The following PCCA variants were observed in gnomAD, a reference collection of about 807,000 sequenced individuals.
PCCA encodes the protein propionyl-CoA carboxylase alpha chain, mitochondrial.
A neutral mutation model predicts 101.3 loss-of-function variants in PCCA; 74 were observed. The ratio of observed to expected loss-of-function variants is 0.73; its 90% CI spans 0.61 to 0.89. The LOEUF is 0.89. Among genes scored for constraint, PCCA ranks in the 40% least tolerant of loss-of-function variants. The pLI, the probability that PCCA is intolerant of heterozygous loss-of-function variation, is 0.00. For synonymous variants in PCCA, 294 were observed against 313.6 expected, an observed-to-expected ratio of 0.94 and a Z score of 0.66; for missense variants, 891 against 907.0, an observed-to-expected ratio of 0.98 and a Z score of 0.23.
intron 21 of PCCA, among the ~76,000 whole-genome samples, chr13:100,514,064 C>T (rs948505927): frequency 6.6e-6 from 1 of 152,220 alleles, no homozygotes; most frequent in African/African-American, 2.4e-5. Context: ...ACTCTCCTCG[C>T]TTTTTCCCTC....
chr13:100,440,904 A>C (rs181059031), intron 20 of PCCA, among the ~76,000 whole-genome samples: 45 of 152,302 alleles, frequency 3.0e-4, no homozygotes, highest in African/African-American at 1.0e-3. Flanking sequence ...CATCTTAGAA[A>C]CAAGCTCACC....
intron 6 of PCCA, among the ~76,000 whole-genome samples, chr13:100,199,524 C>T (rs1465758650): frequency 6.6e-6 from 1 of 152,118 alleles, no homozygotes; most frequent in Non-Finnish European, 1.5e-5. Flanking sequence ...TCAGTGGTTT[C>T]CCCCATTCTT....
rs188664809 is a variant in PCCA, at chr13:100,302,174, A to G, written c.1209+571A>G. ...GGTTTTACTCATAAACTCTCAGTTC[A>G]GTACTTCTAAATGCTTTTTTTCAAA... On this transcript the variant is annotated intron_variant, in intron 13 of 23. Coordinates refer to ENST00000376285, the MANE Select transcript of PCCA (RefSeq NM_000282.4). Among the ~76,000 whole-genome samples the G allele has an allele frequency of 5.2e-4, 79 of 152,256 alleles. 1 individual carries two copies. The highest frequency in any genetic ancestry group is 1.7e-3 in the African/African-American group (72 of 41,554).
chr13:100,517,345 A>G (rs1458322209), intron 22 of PCCA, among the ~76,000 whole-genome samples: 1 of 152,194 alleles, frequency 6.6e-6, no homozygotes, highest in Non-Finnish European at 1.5e-5. Flanking sequence ...ACTTTCCCAC[A>G]TACCGAAAGG....
At chr13:100,496,359 G>A (rs781745266) in intron 21 of PCCA, among the ~76,000 whole-genome samples, 11 of 152,170 alleles carry the variant, frequency 7.2e-5, no homozygotes, top group Non-Finnish European at 1.5e-4. Context: ...ATCTCGAATC[G>A]TTCCTCCGTT....
At chr13:100,186,968 C>G (rs2057333113) in intron 6 of PCCA, among the ~76,000 whole-genome samples, 1 of 152,036 alleles carries the variant, frequency 6.6e-6, no homozygotes, top group Non-Finnish European at 1.5e-5. Context: ...GAATTAATTG[C>G]AATGATGAAA....
intron 2 of PCCA, among the ~76,000 whole-genome samples, chr13:100,110,018 C>T (rs2048163731): frequency 6.6e-6 from 1 of 152,052 alleles, no homozygotes; most frequent in African/African-American, 2.4e-5. Flanking sequence ...CCTGTAATCC[C>T]AGCTATTAGG....
intron 21 of PCCA, among the ~76,000 whole-genome samples, chr13:100,463,936 G>A (rs1034799870): frequency 6.6e-6 from 1 of 152,116 alleles, no homozygotes; most frequent in African/African-American, 2.4e-5. Context: ...AAGTATCTCA[G>A]GATCTGTTGC....
At chr13:100,212,932 C>T (rs2059308292) in intron 7 of PCCA, among the ~76,000 whole-genome samples, 1 of 151,898 alleles carries the variant, frequency 6.6e-6, no homozygotes, top group African/African-American at 2.4e-5. Flanking sequence ...CTCTCTATCA[C>T]TGTGAGTTCA....
intron 21 of PCCA, among the ~76,000 whole-genome samples, chr13:100,462,871 A>G (rs964577683): frequency 6.6e-6 from 1 of 152,214 alleles, no homozygotes; most frequent in Non-Finnish European, 1.5e-5. Flanking sequence ...CGTGATAAGA[A>G]CGCTAACAGA....
At chr13:100,393,671 G>T (rs1175188802) in intron 19 of PCCA, among the ~76,000 whole-genome samples, 1 of 151,884 alleles carries the variant, frequency 6.6e-6, no homozygotes, top group African/African-American at 2.4e-5. Context: ...TACACCTCGG[G>T]CTCCCAAAGT....
chr13:100,375,283 C>T (rs1029680693), intron 19 of PCCA, among the ~76,000 whole-genome samples: 3 of 152,090 alleles, frequency 2.0e-5, no homozygotes, highest in Admixed American at 2.0e-4. Flanking sequence ...TGTTTTACTT[C>T]CAATTAGGTG....
chr13:100,463,927 A>G (rs2152945901), intron 21 of PCCA, among the ~76,000 whole-genome samples: 1 of 152,358 alleles, frequency 6.6e-6, no homozygotes, highest in East Asian at 1.9e-4. Flanking sequence ...GTTATTTCAA[A>G]GTATCTCAGG....
At chr13:100,490,765 GAC>G (rs2084847041) in intron 21 of PCCA, 1 of 152,238 alleles carries the variant, frequency 6.6e-6, no homozygotes, top group African/African-American at 2.4e-5. Context: ...TCAATGTTTG[GAC>G]AGTGTTGGAT....
chr13:100,100,891 C>T (rs981519096), intron 1 of PCCA, among the ~76,000 whole-genome samples: 1 of 151,982 alleles, frequency 6.6e-6, no homozygotes, highest in Non-Finnish European at 1.5e-5. Context: ...GCAACCTCCG[C>T]CTCCCGGGTT....
chr13:100,197,511 C>A (rs2058190621), intron 6 of PCCA, among the ~76,000 whole-genome samples: 2 of 152,260 alleles, frequency 1.3e-5, no homozygotes, highest in South Asian at 4.1e-4. Flanking sequence ...GTGGTGTGAT[C>A]TTGGCTCACT....
rs572203377 is a variant in PCCA at position 100,105,029 on chromosome 13, T to G, written c.183+2069T>G. On this transcript the variant is annotated intron_variant, in intron 2 of 23. Coordinates refer to ENST00000376285, the MANE Select transcript of PCCA (RefSeq NM_000282.4). ...ATTTTCAATTTTCTAATAGCCACAT[T>G]AAAAAAAAGTAAACAGGCAAAATTA... Among the ~76,000 whole-genome samples the G allele has an allele frequency of 6.4e-4, 98 of 151,978 alleles. 3 individuals are homozygous for G. In the South Asian group the frequency reaches 0.02, roughly 31 times the overall value.
At chr13:100,492,547 T>C (rs2084982573) in intron 21 of PCCA, among the ~76,000 whole-genome samples, 2 of 151,712 alleles carry the variant, frequency 1.3e-5, no homozygotes, top group Admixed American at 6.6e-5. Flanking sequence ...ACCATCTTGA[T>C]ATGGACAGGA....
chr13:100,489,758 A>G lies in PCCA; in HGVS notation c.1900-25669A>G, dbSNP rs574646752. ...AGTAGGGGTAACGTTTATTAATGAG[A>G]AATGTCTCAGAGAGAGGAAGAACTA... is the stretch of plus-strand genomic sequence containing the variant. On this transcript the variant is annotated intron_variant, in intron 21 of 23. Coordinates refer to ENST00000376285, the MANE Select transcript of PCCA (RefSeq NM_000282.4). Among the ~76,000 whole-genome samples the G allele has an allele frequency of 5.1e-5, 7 of 137,718 alleles. No homozygotes were observed. The South Asian group carries it at 8.8e-4, about 17-fold the overall frequency. The allele number at this position is 137,718 out of a possible 152,430, so 90.3% of individuals were successfully genotyped here. A position where few individuals can be genotyped will look rare whatever the true frequency, so the allele number is the denominator to read the frequency against.
Sources: allele counts gnomAD v4.1 joint callset (sites outside exome capture counted in the v4.1 genomes callset), GRCh38; gene constraint gnomAD v4.1.1; transcripts MANE v1.5; gene names NCBI Gene and HGNC (gene_info 2026-07-23, HGNC 2026-07-21).